The following PKD1 variants were observed in gnomAD, a reference collection of about 807,000 sequenced individuals.
The protein encoded by PKD1 is polycystin-1.
In PKD1, 81 loss-of-function variants were observed where a neutral mutation model predicts 361.7. The ratio of observed to expected loss-of-function variants is 0.22; its 90% CI spans 0.19 to 0.27. The LOEUF is 0.27. Ranked by LOEUF, PKD1 falls within the 10% of genes least tolerant of loss-of-function variation. PKD1 has a pLI of 1.00. For missense variants in PKD1, 6,399 were observed against 6,118.3 expected, an observed-to-expected ratio of 1.05 and a Z score of -1.53; for synonymous variants, 3,615 against 2,818.3, an observed-to-expected ratio of 1.28 and a Z score of -8.95.
Position 2,106,378 on chromosome 16 carries a change from C to T in PKD1, c.7489+20G>A, listed in dbSNP as rs749655833. ...GAGTCGGGGGATCCCGCTGCTCCCCCCACGCAGGCCTGCACTCACCCGTGC... is the reference window on the plus strand; with the variant it reads ...GAGTCGGGGGATCCCGCTGCTCCCCTCACGCAGGCCTGCACTCACCCGTGC... On this transcript the variant is annotated intron_variant, in intron 18 of 45. Coordinates refer to ENST00000262304, the MANE Select transcript of PKD1 (RefSeq NM_001009944.3). This position sits in a 1 kb window ranked among gnomAD's most constrained non-coding sequence, Gnocchi z 6.5. 8 of 1,594,024 alleles carry T rather than the reference C, an allele frequency of 5.0e-6. No homozygotes were observed. The highest frequency in any genetic ancestry group is 5.1e-6 in the Non-Finnish European group (6 of 1,171,960).
chr16:2,107,343 C>G (rs1707610885), intron 16 of PKD1: 1 of 376,224 alleles, frequency 2.7e-6, no homozygotes, highest in Non-Finnish European at 5.1e-6. Flanking sequence ...GGAGGCTGAG[C>G]TGGGATGGAA....
In PKD1 at chr16:2,114,821, G is replaced by A. The variant is rs1186807068; in HGVS notation, c.2202C>T (p.Gly734=). The part of the protein sequence containing the change: ...GALLHCSPAP[G]HPGPRAPYLS... ...GGTACGGGGCCCGGGGACCAGGGTG[G>A]CCGGGAGCCGGCGAGCAGTGCAGGA... The change falls in exon 11 of 46, where the codon GGC becomes GGT. Residue 734 remains glycine (G), a synonymous_variant. Coordinates refer to ENST00000262304, the MANE Select transcript of PKD1 (RefSeq NM_001009944.3). 8.4e-7 allele frequency: 1 copy of A among 1,186,064 alleles called. No individual in the cohort carries two copies. Among genetic ancestry groups the A allele is most frequent in the Non-Finnish European group, 1.2e-6 (1 of 831,370 alleles). 73.5% of individuals were successfully genotyped at this position (1,186,064 alleles called of 1,614,324 possible). A position where few individuals can be genotyped will look rare whatever the true frequency, so the allele number is the denominator to read the frequency against.
rs759169667 is a variant in PKD1, at chr16:2,108,459, A to C, written c.6708T>G (p.Phe2236Leu). The change falls in exon 15 of 46, where the codon TTT becomes TTG. Residue 2236 changes from phenylalanine to leucine, a missense_variant. Phe to Leu is a conservative substitution (Grantham distance 22). Transcript: ENST00000262304. The stretch of plus-strand genomic sequence containing the variant: ...TGCTCTGTGTCAGTGGCGTGTCCCC[A>C]AATGACACGACAAACACAAAGCAGT... ...GHYCFVFVVS[F>L]GDTPLTQSIQ... 6 of 1,610,228 alleles carry C rather than the reference A, an allele frequency of 3.7e-6. No homozygotes were observed. Among genetic ancestry groups the C allele is most frequent in the Non-Finnish European group, 3.4e-6 (4 of 1,179,608 alleles).
At position 2,119,143 on chromosome 16, in the gene PKD1, T is replaced by C. The variant is rs2092683766; in HGVS notation, c.330A>G (p.Ile110Met). 6.9e-7 allele frequency: 1 copy of C among 1,455,752 alleles called. No individual in the cohort carries two copies. Among genetic ancestry groups the C allele is most frequent in the Non-Finnish European group, 9.5e-7 (1 of 1,054,522 alleles). 90.2% of individuals were successfully genotyped at this position (1,455,752 alleles called of 1,614,324 possible). ...CACTTAAATTAAATAAATTAGCAAA[T>C]ATTCCTTCTTCTAACGTAGAAATCT... ...NNKISTLEEG[I>M]FANLFNLSEI... Residue 110 changes from isoleucine (I) to methionine (M), a missense_variant, in exon 3 of 46, where the codon ATA becomes ATG. Ile to Met is a conservative substitution (Grantham distance 10). Transcript: ENST00000262304.
Position 2,110,793 on chromosome 16 carries a change from G to T in PKD1, c.4374C>A (p.Ala1458=). ...SNNISAANDS[A]LVEVQEPVLV... Reference sequence around the variant, plus strand: ...GCACGGGCTCCTGCACCTCCACCAGGGCTGAGTCATTGGCAGCAGAGATGT... The same window carrying T: ...GCACGGGCTCCTGCACCTCCACCAGTGCTGAGTCATTGGCAGCAGAGATGT... Residue 1458 remains alanine (A), a synonymous_variant, in exon 15 of 46, where the codon GCC becomes GCA. Transcript: ENST00000262304. 1 of 1,611,220 alleles carries T rather than the reference G, an allele frequency of 6.2e-7. No individual in the cohort carries two copies. Among genetic ancestry groups the T allele is most frequent in the South Asian group, 1.1e-5 (1 of 91,008 alleles).
Position 2,114,038 on chromosome 16 carries a change from C to G in PKD1, c.2853+132G>C. 3 of 792,208 alleles carry G rather than the reference C, an allele frequency of 3.8e-6. No individual in the cohort carries two copies. In the South Asian group the frequency reaches 5.1e-5, roughly 13 times the overall value. 49.1% of individuals were successfully genotyped at this position (792,208 alleles called of 1,614,324 possible). A position where few individuals can be genotyped will look rare whatever the true frequency, so the allele number is the denominator to read the frequency against. On this transcript the variant is annotated intron_variant, in intron 11 of 45. Transcript: ENST00000262304. ...TAGCCCGAGGAGCCAGCCAGCAGGACCTGCCCGGGGCCGACGTCCCCAGTA... is the reference window on the plus strand; with the variant it reads ...TAGCCCGAGGAGCCAGCCAGCAGGAGCTGCCCGGGGCCGACGTCCCCAGTA...
In PKD1 at chr16:2,130,766, A is replaced by ACT. The variant is rs1411897795; in HGVS notation, c.215+4707_215+4708dup. On this transcript the variant is annotated intron_variant, in intron 1 of 45. Coordinates refer to ENST00000262304, the MANE Select transcript of PKD1 (RefSeq NM_001009944.3). ...CGGGGTCTGCGCCTGCTGTCCCTAC[A>ACT]CTCTCCCACACTCTCCTGTCATTCA... 1.2e-4 allele frequency among the ~76,000 whole-genome samples: 18 copies of ACT among 152,088 alleles called. No individual in the cohort carries two copies. In the East Asian group the frequency reaches 3.5e-3, roughly 29 times the overall value.
rs193261091 is a variant in PKD1, at chr16:2,116,412, G to A, written c.1722+117C>T. On this transcript the variant is annotated intron_variant, in intron 8 of 45. Transcript: ENST00000262304. ...CTGGATTTTCCCAACCATCTTCACT[G>A]GGCACAAGCAACATTAAGGCCCCCA... is the stretch of plus-strand genomic sequence containing the variant. 1,839 of 645,852 alleles carry A rather than the reference G, an allele frequency of 2.8e-3. 28 individuals carry two copies. The African/African-American group carries it at 0.03, about 10-fold the overall frequency. 40.0% of individuals were successfully genotyped at this position (645,852 alleles called of 1,614,324 possible). A position where few individuals can be genotyped will look rare whatever the true frequency, so the allele number is the denominator to read the frequency against.
chr16:2,106,156 G>A lies in PKD1; in HGVS notation c.7638C>T (p.His2546=). 7 of 1,608,338 alleles carry A rather than the reference G, an allele frequency of 4.4e-6. 1 individual carries two copies. Among genetic ancestry groups the A allele is most frequent in the Non-Finnish European group, 5.9e-6 (7 of 1,178,688 alleles). Residue 2546 remains histidine (H), a synonymous_variant, in exon 19 of 46, where the codon CAC becomes CAT. Transcript: ENST00000262304. This position sits in a 1 kb window ranked among gnomAD's most constrained non-coding sequence, Gnocchi z 6.5. ...CCACCACGGCCAGGCCCACCTCGAA[G>A]TGTGGCCTGAAACCCGGGGGCAGCA... ...GAVLPPGFRP[H]FEVGLAVVVQ... is the part of the protein sequence containing the mutation.
chr16:2,099,315 T>C (rs866536512), intron 30 of PKD1: 26 of 384,126 alleles, frequency 6.8e-5, no homozygotes, highest in Non-Finnish European at 9.5e-5. Context: ...TTCCTATAGA[T>C]GTACTGAGAT....
rs2092672396 is a variant in PKD1, at chr16:2,118,261, C to CAGGCAAAGG, written c.722_730dup (p.Ser241_Ala243dup). 1 of 1,533,850 alleles carries CAGGCAAAGG rather than the reference C, an allele frequency of 6.5e-7. No homozygotes were observed. Among genetic ancestry groups the CAGGCAAAGG allele is most frequent in the South Asian group, 1.2e-5 (1 of 84,404 alleles). ...CGGGGGGCCGGAGCAGAGGGACAGG[C>CAGGCAAAGG]AGGCAAAGGAGGCACTGGAGGGCTG... On this transcript the variant is annotated inframe_insertion, in exon 5 of 46. Coordinates refer to ENST00000262304, the MANE Select transcript of PKD1 (RefSeq NM_001009944.3). The surrounding 1 kb of genome is among the most constrained non-coding windows in gnomAD (Gnocchi z 6.0).
At chr16:2,132,564 G>A (rs1293258456) in intron 1 of PKD1, among the ~76,000 whole-genome samples, 103 of 110,634 alleles carry the variant, frequency 9.3e-4, no homozygotes, top group African/African-American at 3.6e-3. Flanking sequence ...ACAAGAGCAA[G>A]ACTCCGTCTC....
At position 2,089,877 on chromosome 16, in the gene PKD1, C is replaced by CG; in HGVS notation, c.12761dup (p.Pro4255AlafsTer131). 1 of 1,609,708 alleles carries CG rather than the reference C, an allele frequency of 6.2e-7. No homozygotes were observed. The highest frequency in any genetic ancestry group is 8.5e-7 in the Non-Finnish European group (1 of 1,178,874). ...ATGGGCCACGGGAAGATCCGGCGGG[C>CG]GCCCGGCTGCTCCTGCGGCCTTGCA... On this transcript the variant is annotated frameshift_variant, in exon 46 of 46. Transcript: ENST00000262304. LOFTEE classifies it high-confidence loss of function.
chr16:2,090,787 C>T lies in PKD1; in HGVS notation c.12025G>A (p.Val4009Met), dbSNP rs749740699. 3.1e-6 allele frequency: 5 copies of T among 1,612,558 alleles called. No homozygotes were observed. The South Asian group carries it at 4.4e-5, about 14-fold the overall frequency. Residue 4009 changes from valine to methionine, a missense_variant, in exon 44 of 46, where the codon GTG (valine) becomes ATG (methionine). Physicochemically the swap from Val to Met is conservative, Grantham distance 21. Coordinates refer to ENST00000262304, the MANE Select transcript of PKD1 (RefSeq NM_001009944.3). Reference protein sequence around the residue: ...LVKAAQQLRFVRQWSVFGKTL... With the variant: ...LVKAAQQLRFMRQWSVFGKTL... ...TTGCCAAAGACGGACCACTGGCGCA[C>T]GAAGCGTAGCTGCTGGGCAGCCTGC...
At position 2,112,580 on chromosome 16, in the gene PKD1, G is replaced by T. The variant is rs944288158; in HGVS notation, c.3162-107C>A. 4 of 1,092,768 alleles carry T rather than the reference G, an allele frequency of 3.7e-6. No homozygotes were observed. In the African/African-American group the frequency reaches 6.3e-5, roughly 17 times the overall value. The allele number at this position is 1,092,768 out of a possible 1,614,324, so 67.7% of individuals were successfully genotyped here. On this transcript the variant is annotated intron_variant, in intron 13 of 45. Coordinates refer to ENST00000262304, the MANE Select transcript of PKD1 (RefSeq NM_001009944.3). ...AGGCTCCACTCTGCAGTCACGCCCC[G>T]GGCCTCCATTCAGGGCCCACCCGGC...
rs745522532 is a variant in PKD1, at chr16:2,089,998, C to T, written c.12641G>A (p.Arg4214His). ...LGTRCEPEPS[R>H]LQAVFEALLT... ...CAGGGCCTCGAACACGGCTTGGAGGCGGGAGGGCTCAGGCTCACACCTTGT... is the reference window on the plus strand; with the variant it reads ...CAGGGCCTCGAACACGGCTTGGAGGTGGGAGGGCTCAGGCTCACACCTTGT... Residue 4214 changes from arginine to histidine, a missense_variant, in exon 46 of 46, where the codon CGC (arginine) becomes CAC (histidine). Arg to His is a conservative substitution (Grantham distance 29, BLOSUM62 0). Coordinates refer to ENST00000262304, the MANE Select transcript of PKD1 (RefSeq NM_001009944.3). The T allele has an allele frequency of 1.3e-5, 21 of 1,610,032 alleles. No individual in the cohort carries two copies. Among genetic ancestry groups the T allele is most frequent in the South Asian group, 1.2e-4 (11 of 90,748 alleles).
rs1198592045 is a variant in PKD1, at chr16:2,102,969, G to A, written c.8793C>T (p.Gly2931=). ...HLQLNYTLLD[G]HYLSEEPEPY... ...GCTCAGGTTCCTCAGACAGGTAGTG[G>A]CCTGGGGCAGAACGCGCAGGTCACA... The change falls in exon 24 of 46, where the codon GGC becomes GGT. Residue 2931 remains glycine, a splice_region_variant and synonymous_variant. Coordinates refer to ENST00000262304, the MANE Select transcript of PKD1 (RefSeq NM_001009944.3). 1 of 1,603,886 alleles carries A rather than the reference G, an allele frequency of 6.2e-7. No homozygotes were observed. Among genetic ancestry groups the A allele is most frequent in the African/African-American group, 1.3e-5 (1 of 74,860 alleles).
At position 2,107,889 on chromosome 16, in the gene PKD1, G is replaced by A; in HGVS notation, c.7059C>T (p.Asn2353=). 1 of 1,544,452 alleles carries A rather than the reference G, an allele frequency of 6.5e-7. No homozygotes were observed. The highest frequency in any genetic ancestry group is 1.2e-5 in the South Asian group (1 of 83,976). Residue 2353 remains asparagine (N), a synonymous_variant, in exon 16 of 46, where the codon AAC becomes AAT. Transcript: ENST00000262304. ...WKAGRKEEAT[N]QTVLIRSGRV... ...AGGGGCGGGCGGCACCCACCGTCTG[G>A]TTGGTGGCCTCCTCCTTGCGGCCGG...
intron 21 of PKD1, 54 bp downstream of exon 21, chr16:2,105,268 A>T: frequency 6.3e-7 from 1 of 1,578,682 alleles, no homozygotes. Flanking sequence ...GGGGGGCTGA[A>T]CCCAGTGCCC....
Sources: gnomAD v4.1 joint callset for allele counts (sites outside exome capture counted in the v4.1 genomes callset) on GRCh38, gnomAD v4.1.1 for gene constraint, Gnocchi (gnomAD v3.1) non-coding constraint, MANE v1.5 for transcripts, NCBI Gene and HGNC (gene_info 2026-07-23, HGNC 2026-07-21) for gene names.